The following TYW1 variants were observed in gnomAD, a reference collection of about 807,000 sequenced individuals.
TYW1 encodes the protein S-adenosyl-L-methionine-dependent tRNA 4-demethylwyosine synthase TYW1.
Under a neutral mutation model 96.2 loss-of-function variants are expected in TYW1, and 46 were observed. The ratio of observed to expected loss-of-function variants is 0.48; its 90% CI spans 0.38 to 0.61. The LOEUF (loss-of-function observed/expected upper bound fraction) is 0.61. Among genes scored for constraint, TYW1 ranks in the 20% least tolerant of loss-of-function variants. The pLI is 0.00. For missense variants in TYW1, 684 were observed against 909.6 expected, an observed-to-expected ratio of 0.75 and a Z score of 3.19; for synonymous variants, 274 against 323.0, an observed-to-expected ratio of 0.85 and a Z score of 1.63.
chr7:67,132,341 G>A (rs1398658904), intron 13 of TYW1, among the ~76,000 whole-genome samples: 1 of 151,726 alleles, frequency 6.6e-6, no homozygotes, highest in Non-Finnish European at 1.5e-5. Context: ...AACTCCTGGC[G>A]TCAAGTGATC....
At chr7:67,068,375 T>G (rs1236498276) in intron 10 of TYW1, among the ~76,000 whole-genome samples, 2 of 152,234 alleles carry the variant, frequency 1.3e-5, no homozygotes, top group Non-Finnish European at 2.9e-5. Context: ...AACTCCTAGT[T>G]CTCTATGCCA....
chr7:67,202,364 TTC>T (rs1022040073), intron 15 of TYW1, among the ~76,000 whole-genome samples: 1 of 151,772 alleles, frequency 6.6e-6, no homozygotes, highest in African/African-American at 2.4e-5. Flanking sequence ...CTGTTTATCA[TTC>T]TCAGCTTTCT....
At chr7:67,217,951 C>T (rs1453207705) in intron 15 of TYW1, among the ~76,000 whole-genome samples, 10 of 149,066 alleles carry the variant, frequency 6.7e-5, no homozygotes, top group Non-Finnish European at 1.2e-4. Flanking sequence ...CTCTGCCTCC[C>T]GGGTTCAAGT....
At chr7:67,007,493 C>T (rs545014177) in intron 3 of TYW1, among the ~76,000 whole-genome samples, 38 of 152,270 alleles carry the variant, frequency 2.5e-4, no homozygotes, top group African/African-American at 8.9e-4. Context: ...GAGGGACCCA[C>T]CCCCATGACC....
At chr7:67,209,379 A>C (rs547442294) in intron 15 of TYW1, among the ~76,000 whole-genome samples, 1 of 152,250 alleles carries the variant, frequency 6.6e-6, no homozygotes, top group South Asian at 2.1e-4. Context: ...TCAGTCTGGA[A>C]ATTAATTAGA....
Position 67,009,676 on chromosome 7 carries a change from A to G in TYW1, c.367A>G (p.Ile123Val). ...AGAATATGATCCAGATGATCATCTG[A>G]TAGAAGAGGTTGGTAATTGTCTTTT... is the stretch of plus-strand genomic sequence containing the variant. ...LKEYDPDDHL[I>V]EEVTSKNVCV... Residue 123 changes from isoleucine (I) to valine (V), a missense_variant, in exon 4 of 16, where the codon ATA becomes GTA. By Grantham distance (29) the Ile-to-Val change is conservative. Coordinates refer to ENST00000359626, the MANE Select transcript of TYW1 (RefSeq NM_018264.4). The G allele has an allele frequency of 6.2e-7, 1 of 1,601,002 alleles. No individual in the cohort carries two copies. The highest frequency in any genetic ancestry group is 8.5e-7 in the Non-Finnish European group (1 of 1,175,720).
intron 13 of TYW1, among the ~76,000 whole-genome samples, chr7:67,118,589 A>G (rs185932913): frequency 2.0e-5 from 3 of 152,014 alleles, no homozygotes; most frequent in East Asian, 3.9e-4. Flanking sequence ...ACTACACGTA[A>G]CCACCTTAAA....
intron 11 of TYW1, among the ~76,000 whole-genome samples, chr7:67,088,139 A>G (rs1360238924): frequency 6.6e-6 from 1 of 152,202 alleles, no homozygotes; most frequent in East Asian, 1.9e-4. Context: ...TGCTGGGATT[A>G]CAGGCATGAG....
chr7:67,077,865 T>C (rs965090411), intron 10 of TYW1, among the ~76,000 whole-genome samples: 4 of 152,210 alleles, frequency 2.6e-5, no homozygotes, highest in Admixed American at 1.3e-4. Context: ...AGTATGTAAT[T>C]TCACAGTTTC....
chr7:67,217,270 A>G (rs1276725344), intron 15 of TYW1, among the ~76,000 whole-genome samples: 3 of 152,130 alleles, frequency 2.0e-5, no homozygotes, highest in African/African-American at 7.2e-5. Flanking sequence ...ATTTTTTCAT[A>G]AAGTCCAGTT....
intron 15 of TYW1, among the ~76,000 whole-genome samples, chr7:67,205,126 T>G (rs6964179): frequency 0.25 from 37,692 of 151,758 alleles, 4,748 homozygotes; most frequent in Middle Eastern, 0.3. Context: ...ATAAATCTTC[T>G]GTCTTAGCCA....
In TYW1 at chr7:67,179,234, G is replaced by A. The variant is rs1230524172; in HGVS notation, c.1699-3892G>A. On this transcript the variant is annotated intron_variant, in intron 13 of 15. Coordinates refer to ENST00000359626, the MANE Select transcript of TYW1 (RefSeq NM_018264.4). ...TCTAGGAAAGGGGCAGTAACTTCTG[G>A]GTTGTTGCATGGCATTTGTAAACTG... Among the ~76,000 whole-genome samples the A allele has an allele frequency of 1.5e-5, 2 of 135,576 alleles. 1 individual carries two copies. Among genetic ancestry groups the A allele is most frequent in the African/African-American group, 6.0e-5 (2 of 33,256 alleles). The allele number at this position is 135,576 out of a possible 152,430, so 88.9% of individuals were successfully genotyped here.
chr7:67,069,931 T>C (rs1235194610), intron 10 of TYW1, among the ~76,000 whole-genome samples: 2 of 152,214 alleles, frequency 1.3e-5, no homozygotes, highest in South Asian at 2.1e-4. Flanking sequence ...CTGTTAGCAG[T>C]GAACTCCCTC....
chr7:67,232,749 A>G (rs1247921715), intron 15 of TYW1, among the ~76,000 whole-genome samples: 1 of 95,124 alleles, frequency 1.1e-5, no homozygotes, highest in Non-Finnish European at 2.1e-5. Flanking sequence ...AGGAAAGGAA[A>G]TAGTTTTATT....
intron 6 of TYW1, among the ~76,000 whole-genome samples, chr7:67,020,910 C>G (rs1794232716): frequency 2.0e-5 from 3 of 152,258 alleles, no homozygotes; most frequent in African/African-American, 7.2e-5. Flanking sequence ...CACCTGTAAT[C>G]CCAGCTACTC....
chr7:67,049,180 A>G (rs1056696948), intron 7 of TYW1, among the ~76,000 whole-genome samples: 4 of 152,190 alleles, frequency 2.6e-5, no homozygotes, highest in Non-Finnish European at 4.4e-5. Context: ...TTGAACGCCT[A>G]TTGTACATCA....
chr7:67,013,189 G>T (rs190670827), intron 4 of TYW1, among the ~76,000 whole-genome samples: 3,980 of 150,586 alleles, frequency 0.026, 65 homozygotes, highest in African/African-American at 0.033. Flanking sequence ...GGGGTGTGAT[G>T]GTGGCCCACT....
At chr7:67,142,607 A>ATTTT (rs998355295) in intron 13 of TYW1, among the ~76,000 whole-genome samples, 5 of 151,040 alleles carry the variant, frequency 3.3e-5, no homozygotes, top group Non-Finnish European at 5.9e-5. Context: ...TGGCTGATTT[A>ATTTT]TTTTTTAAGA....
In TYW1 at chr7:67,235,315, T is replaced by C. The variant is rs182044650; in HGVS notation, c.1978-2993T>C. ...GTATTATAATTATTTTCTAAATGTA[T>C]GTAACTGGGCCAAGTCCATAGTTGT... On this transcript the variant is annotated intron_variant, in intron 15 of 15. Coordinates refer to ENST00000359626, the MANE Select transcript of TYW1 (RefSeq NM_018264.4). Among the ~76,000 whole-genome samples, 339 of 152,352 alleles carry C rather than the reference T, an allele frequency of 2.2e-3. 3 individuals are homozygous for C. The highest frequency in any genetic ancestry group is 7.4e-3 in the African/African-American group (308 of 41,590).
Sources: allele counts gnomAD v4.1 joint callset (sites outside exome capture counted in the v4.1 genomes callset), GRCh38; gene constraint gnomAD v4.1.1; transcripts MANE v1.5; gene names NCBI Gene and HGNC (gene_info 2026-07-23, HGNC 2026-07-21).